Variants in TNFAIP8L1 observed in about 807,000 individuals in gnomAD.
TNFAIP8L1 encodes the protein tumor necrosis factor alpha-induced protein 8-like protein 1.
For missense variants in TNFAIP8L1, 225 were observed against 266.1 expected, an observed-to-expected ratio of 0.85 and a Z score of 1.08; for synonymous variants, 127 against 125.6, an observed-to-expected ratio of 1.01 and a Z score of -0.08.
chr19:4,649,258 C>G (rs1207730173), intron 1 of TNFAIP8L1, among the ~76,000 whole-genome samples: 1 of 151,250 alleles, frequency 6.6e-6, no homozygotes, highest in Non-Finnish European at 1.5e-5. Context: ...CAGGGAATCT[C>G]ACTGAGATAG....
intron 1 of TNFAIP8L1, among the ~76,000 whole-genome samples, chr19:4,650,246 C>CT: frequency 1.3e-5 from 2 of 151,642 alleles, no homozygotes; most frequent in South Asian, 4.2e-4. Context: ...GAGGCAGAGA[C>CT]TTGGGGGCCA....
intron 1 of TNFAIP8L1, chr19:4,640,353 T>C (rs2088248042): frequency 6.6e-6 from 1 of 152,232 alleles, no homozygotes; most frequent in African/African-American, 2.4e-5. Flanking sequence ...CAGCACCTTC[T>C]CTATGGAGGG....
At chr19:4,647,068 A>G (rs2088318689) in intron 1 of TNFAIP8L1, among the ~76,000 whole-genome samples, 1 of 152,244 alleles carries the variant, frequency 6.6e-6, no homozygotes, top group African/African-American at 2.4e-5. Context: ...GCTAGAGAAC[A>G]TTCCATTGTT....
At position 4,652,773 on chromosome 19, in the gene TNFAIP8L1, A is replaced by C; in HGVS notation, c.*343A>C. On this transcript the variant is annotated 3_prime_UTR_variant, in exon 2 of 2. Coordinates refer to ENST00000327473, the MANE Select transcript of TNFAIP8L1 (RefSeq NM_152362.3). Reference sequence around the variant, plus strand: ...AAAGCTGCTGCCTCCCACTTGGATCATGTCGCCTGGGATTTTCATCCCTCG... The same window carrying C: ...AAAGCTGCTGCCTCCCACTTGGATCCTGTCGCCTGGGATTTTCATCCCTCG... 3.5e-6 allele frequency: 1 copy of C among 285,412 alleles called. No homozygotes were observed. 17.7% of individuals were successfully genotyped at this position (285,412 alleles called of 1,614,324 possible). A position where few individuals can be genotyped will look rare whatever the true frequency, so the allele number is the denominator to read the frequency against.
Position 4,639,544 on chromosome 19 carries a change from C to T in TNFAIP8L1, c.-89C>T, listed in dbSNP as rs1233083973. 3 of 152,204 alleles carry T rather than the reference C, an allele frequency of 2.0e-5. No homozygotes were observed. The East Asian group carries it at 5.8e-4, about 29-fold the overall frequency. The allele number at this position is 152,204 out of a possible 1,614,324, so 9.4% of individuals were successfully genotyped here. On this transcript the variant is annotated 5_prime_UTR_variant, in exon 1 of 2. Transcript: ENST00000327473. ...CCCGGCCCCGGCTCCGGCGCTGCTC[C>T]CACCGCCGCGGCAACGGCCCCGGCC... is the stretch of plus-strand genomic sequence containing the variant.
rs371580440 is a variant in TNFAIP8L1, at chr19:4,643,228, G to C, written c.-4+3599G>C. Among the ~76,000 whole-genome samples the C allele has an allele frequency of 4.8e-3, 722 of 151,440 alleles. 8 individuals carry two copies. Among genetic ancestry groups the C allele is most frequent in the African/African-American group, 0.016 (677 of 41,236 alleles). On this transcript the variant is annotated intron_variant, in intron 1 of 1. Coordinates refer to ENST00000327473, the MANE Select transcript of TNFAIP8L1 (RefSeq NM_152362.3). ...CAGGAGGCGGAGGTTGCAGTGAGCC[G>C]AGATCACGCCGCTGCACTCCAGCCT...
At chr19:4,643,265 T>G (rs2088280202) in intron 1 of TNFAIP8L1, among the ~76,000 whole-genome samples, 1 of 145,600 alleles carries the variant, frequency 6.9e-6, no homozygotes, top group African/African-American at 2.6e-5. Context: ...GGCAACAGAG[T>G]GAGACTCTGT....
At chr19:4,642,065 C>CTGGGA (rs2088265791) in intron 1 of TNFAIP8L1, 1 of 152,196 alleles carries the variant, frequency 6.6e-6, no homozygotes, top group Non-Finnish European at 1.5e-5. Flanking sequence ...GTAGTCCCAG[C>CTGGGA]CACTCTGGAG....
rs1213569546 is a variant in TNFAIP8L1 at position 4,645,411 on chromosome 19, T to C, written c.-4+5782T>C. Among the ~76,000 whole-genome samples the C allele has an allele frequency of 1.3e-5, 2 of 151,930 alleles. No homozygotes were observed. Among genetic ancestry groups the C allele is most frequent in the Non-Finnish European group, 2.9e-5 (2 of 68,002 alleles). ...AAAAATACACAAATTTGTATTTTTGTACAAATACAAATACACCAGCTGGGT... is the reference window on the plus strand; with the variant it reads ...AAAAATACACAAATTTGTATTTTTGCACAAATACAAATACACCAGCTGGGT... On this transcript the variant is annotated intron_variant, in intron 1 of 1. Coordinates refer to ENST00000327473, the MANE Select transcript of TNFAIP8L1 (RefSeq NM_152362.3). This position sits in a 1 kb window ranked among gnomAD's most constrained non-coding sequence, Gnocchi z 4.1.
At chr19:4,644,624 T>C (rs2088293017) in intron 1 of TNFAIP8L1, among the ~76,000 whole-genome samples, 1 of 147,588 alleles carries the variant, frequency 6.8e-6, no homozygotes, top group Non-Finnish European at 1.5e-5. Flanking sequence ...TTTTTTTTTT[T>C]TTTTTTGAGA....
intron 1 of TNFAIP8L1, among the ~76,000 whole-genome samples, chr19:4,642,772 A>T (rs905834013): frequency 1.3e-5 from 2 of 151,922 alleles, no homozygotes; most frequent in East Asian, 3.9e-4. Flanking sequence ...GGGACAGGGC[A>T]GGGTGCGCAG....
At chr19:4,642,285 A>C (rs2088268151) in intron 1 of TNFAIP8L1, 1 of 152,376 alleles carries the variant, frequency 6.6e-6, no homozygotes, top group Non-Finnish European at 1.5e-5. Context: ...ATTCGAGACC[A>C]GCCTGGCCAA....
At chr19:4,646,121 T>C (rs144320083) in intron 1 of TNFAIP8L1, among the ~76,000 whole-genome samples, 9 of 152,160 alleles carry the variant, frequency 5.9e-5, no homozygotes, top group Non-Finnish European at 1.0e-4. Flanking sequence ...TATTTATTGG[T>C]TACCGGCACC....
chr19:4,648,099 G>A (rs564071279), intron 1 of TNFAIP8L1, among the ~76,000 whole-genome samples: 12 of 152,316 alleles, frequency 7.9e-5, no homozygotes, highest in East Asian at 3.9e-4. Flanking sequence ...GGCACAGGTC[G>A]CTGGCTCAGG....
At chr19:4,647,799 AT>A (rs998908725) in intron 1 of TNFAIP8L1, among the ~76,000 whole-genome samples, 6 of 149,708 alleles carry the variant, frequency 4.0e-5, no homozygotes, top group Admixed American at 4.0e-4. Flanking sequence ...ATTAAAAAAA[AT>A]TTTTTTTTGT....
In TNFAIP8L1 at chr19:4,654,270, T is replaced by TGCCACATG. The variant is rs1270266883; in HGVS notation, c.*1842_*1849dup. The TGCCACATG allele has an allele frequency of 6.6e-6, 1 of 152,262 alleles. No individual in the cohort carries two copies. Among genetic ancestry groups the TGCCACATG allele is most frequent in the Non-Finnish European group, 1.5e-5 (1 of 68,068 alleles). The allele number at this position is 152,262 out of a possible 1,614,324, so 9.4% of individuals were successfully genotyped here. ...GGGGAAACTGCTCCAATCCAGGGAC[T>TGCCACATG]GCCACATGGGAGGGGACGGAGCGTG... On this transcript the variant is annotated 3_prime_UTR_variant, in exon 2 of 2. Transcript: ENST00000327473.
intron 1 of TNFAIP8L1, among the ~76,000 whole-genome samples, chr19:4,646,600 C>T (rs1045633481): frequency 4.6e-5 from 7 of 151,902 alleles, no homozygotes; most frequent in African/African-American, 9.7e-5. Context: ...CCCGCGAGTC[C>T]GCTTTCTGCC....
rs2088391801 is a variant in TNFAIP8L1 at position 4,653,472 on chromosome 19, G to C, written c.*1042G>C. 1 of 164,210 alleles carries C rather than the reference G, an allele frequency of 6.1e-6. No homozygotes were observed. Among genetic ancestry groups the C allele is most frequent in the Non-Finnish European group, 1.5e-5 (1 of 67,550 alleles). 10.2% of individuals were successfully genotyped at this position (164,210 alleles called of 1,614,324 possible). ...TCTCTACAAAAAAAAAATTATCGTG[G>C]TGGGCCGGGCGTGGTGGCTCACACC... On this transcript the variant is annotated 3_prime_UTR_variant, in exon 2 of 2. Transcript: ENST00000327473.
chr19:4,639,800 G>A (rs1337551193), intron 1 of TNFAIP8L1, 171 bp downstream of exon 1: 2 of 152,676 alleles, frequency 1.3e-5, no homozygotes, highest in African/African-American at 2.4e-5. Flanking sequence ...AGGTTAGGGG[G>A]AGACAGATTG....
Sources: gnomAD v4.1 joint callset for allele counts (sites outside exome capture counted in the v4.1 genomes callset) on GRCh38, gnomAD v4.1.1 for gene constraint, Gnocchi (gnomAD v3.1) non-coding constraint, MANE v1.5 for transcripts, NCBI Gene and HGNC (gene_info 2026-07-23, HGNC 2026-07-21) for gene names.